Variants in TAFA2 observed in about 807,000 individuals in gnomAD.
TAFA2 encodes the protein chemokine-like protein TAFA-2.
A neutral mutation model predicts 18.8 loss-of-function variants in TAFA2; 7 were observed. The ratio of observed to expected loss-of-function variants is 0.37; its 90% CI spans 0.21 to 0.70. The LOEUF (loss-of-function observed/expected upper bound fraction) is 0.70, where lower values mean the gene tolerates loss of function less well. Ranked by LOEUF, TAFA2 falls within the 30% of genes least tolerant of loss-of-function variation. The probability of loss-of-function intolerance (pLI) is 0.53; values close to 1 mark genes in which losing one functional copy is unlikely to be tolerated. For synonymous variants in TAFA2, 60 were observed against 54.2 expected (o/e 1.11, Z -0.47); for missense variants, 122 against 158.1 (o/e 0.77, Z 1.23).
chr12:61,862,577 G>T (rs1185191680), intron 2 of TAFA2, among the ~76,000 whole-genome samples: 3 of 152,184 alleles, frequency 2.0e-5, no homozygotes, highest in Non-Finnish European at 4.4e-5. Flanking sequence ...TATTTCGGTA[G>T]AGGTATTTAT....
intron 1 of TAFA2, among the ~76,000 whole-genome samples, chr12:62,168,945 T>TATACACAC (rs1555195551): frequency 6.7e-6 from 1 of 148,836 alleles, no homozygotes; most frequent in Admixed American, 6.7e-5. Context: ...ACTCACTCTC[T>TATACACAC]ACACACACAC....
At chr12:62,104,726 G>T (rs1256928856) in intron 1 of TAFA2, 1 of 455,180 alleles carries the variant, frequency 2.2e-6, no homozygotes, top group South Asian at 1.6e-5. Flanking sequence ...TGTCATGCAC[G>T]CTTCATCCTA....
At chr12:62,109,736 A>G (rs111979997) in intron 1 of TAFA2, among the ~76,000 whole-genome samples, 34,057 of 152,006 alleles carry the variant, frequency 0.22, 4,189 homozygotes, top group East Asian at 0.37. Context: ...TTCTCTTTAT[A>G]GTAATTGTGA....
intron 1 of TAFA2, among the ~76,000 whole-genome samples, chr12:61,907,654 C>T (rs1025738800): frequency 1.3e-5 from 2 of 152,114 alleles, no homozygotes; most frequent in Non-Finnish European, 2.9e-5. Flanking sequence ...GAGAAGAGGG[C>T]CACCATCTTC....
At chr12:62,237,212 T>C (rs1183377054) in intron 1 of TAFA2, among the ~76,000 whole-genome samples, 1 of 152,212 alleles carries the variant, frequency 6.6e-6, no homozygotes, top group Non-Finnish European at 1.5e-5. Context: ...TTTTTTCACA[T>C]GATCCATTCT....
chr12:62,194,048 CAGAT>C (rs2062638255), upstream of TAFA2, among the ~76,000 whole-genome samples: 1 of 152,294 alleles, frequency 6.6e-6, no homozygotes, highest in African/African-American at 2.4e-5. Context: ...AAGGATCTCT[CAGAT>C]AGTCTCTTTC....
chr12:62,209,313 C>A (rs1010315473), intron 1 of TAFA2, among the ~76,000 whole-genome samples: 1 of 152,158 alleles, frequency 6.6e-6, no homozygotes, highest in African/African-American at 2.4e-5. Flanking sequence ...TTATAAGGGG[C>A]TCTTCCCCCT....
chr12:62,137,409 G>A (rs1870941122), intron 1 of TAFA2, among the ~76,000 whole-genome samples: 1 of 152,026 alleles, frequency 6.6e-6, no homozygotes, highest in South Asian at 2.1e-4. Context: ...AGAATAAATG[G>A]AAACAATGGT....
chr12:61,993,185 G>A (rs1880067627), intron 1 of TAFA2, among the ~76,000 whole-genome samples: 1 of 152,130 alleles, frequency 6.6e-6, no homozygotes, highest in African/African-American at 2.4e-5. Context: ...TGTCCAGAAT[G>A]CCCTCCTTCT....
In TAFA2 at chr12:61,903,627, A is replaced by G. The variant is rs1349665570; in HGVS notation, c.-1-36201T>C. Among the ~76,000 whole-genome samples the G allele has an allele frequency of 2.0e-5, 3 of 152,188 alleles. No homozygotes were observed. In the East Asian group the frequency reaches 5.8e-4, roughly 29 times the overall value. On this transcript the variant is annotated intron_variant, in intron 1 of 4. Transcript: ENST00000416284. ...AAGCCCCTCTCCTTAATACCAAATAACCACCAAAAAACAAGGCCATGTTTT... is the reference window on the plus strand; with the variant it reads ...AAGCCCCTCTCCTTAATACCAAATAGCCACCAAAAAACAAGGCCATGTTTT...
intron 1 of TAFA2, among the ~76,000 whole-genome samples, chr12:62,126,741 C>T (rs776192310): frequency 2.6e-5 from 4 of 152,118 alleles, no homozygotes; most frequent in Middle Eastern, 3.4e-3. Context: ...GAAGAGATGA[C>T]GCCGGAGAGC....
At chr12:62,252,135 C>G (rs11174397) in intron 1 of TAFA2, 34,458 of 152,170 alleles carry the variant, frequency 0.23, 4,253 homozygotes, top group African/African-American at 0.34. Flanking sequence ...GTTGGCTTAC[C>G]TGGTGGGATG....
intron 1 of TAFA2, among the ~76,000 whole-genome samples, chr12:62,062,751 C>T (rs1882384398): frequency 6.6e-6 from 1 of 152,088 alleles, no homozygotes; most frequent in African/African-American, 2.4e-5. Flanking sequence ...AGAGGTGAAT[C>T]CATTTCTTGC....
At chr12:61,832,492 G>C (rs1872756627) in intron 2 of TAFA2, among the ~76,000 whole-genome samples, 1 of 152,020 alleles carries the variant, frequency 6.6e-6, no homozygotes, top group South Asian at 2.1e-4. Context: ...CCAATAAAGT[G>C]TTCCCAGCTG....
chr12:62,072,846 A>G (rs997808639), intron 1 of TAFA2, among the ~76,000 whole-genome samples: 1 of 152,330 alleles, frequency 6.6e-6, no homozygotes, highest in East Asian at 1.9e-4. Context: ...AATAAGATGG[A>G]GCAAAGTAAA....
intron 4 of TAFA2, among the ~76,000 whole-genome samples, chr12:61,713,852 G>A (rs886776749): frequency 2.0e-5 from 3 of 152,056 alleles, no homozygotes; most frequent in Non-Finnish European, 4.4e-5. Flanking sequence ...ACCCTAAACT[G>A]GAACACCCTG....
chr12:62,146,594 C>T (rs1315411447), intron 1 of TAFA2, among the ~76,000 whole-genome samples: 1 of 152,146 alleles, frequency 6.6e-6, no homozygotes. Flanking sequence ...AATTGTATGG[C>T]TCCCTATAAC....
intron 1 of TAFA2, among the ~76,000 whole-genome samples, chr12:61,983,276 C>A (rs1224804789): frequency 6.6e-6 from 1 of 152,296 alleles, no homozygotes; most frequent in East Asian, 1.9e-4. Context: ...ACAGCAGTAC[C>A]ATTTACAGTA....
intron 1 of TAFA2, among the ~76,000 whole-genome samples, chr12:61,887,669 G>A (rs1248103134): frequency 6.9e-6 from 1 of 145,312 alleles, no homozygotes; most frequent in East Asian, 2.1e-4. Flanking sequence ...CCACCTAAGA[G>A]TGAGAATATG....
Sources: allele counts gnomAD v4.1 joint callset (sites outside exome capture counted in the v4.1 genomes callset), GRCh38; gene constraint gnomAD v4.1.1; transcripts MANE v1.5; gene names NCBI Gene and HGNC (gene_info 2026-07-23, HGNC 2026-07-21).